The following TRIM36 variants were observed in gnomAD, a reference collection of about 807,000 sequenced individuals.
The protein encoded by TRIM36 is E3 ubiquitin-protein ligase TRIM36.
A neutral mutation model predicts 72.4 loss-of-function variants in TRIM36; 42 were observed. The ratio of observed to expected loss-of-function variants is 0.58; its 90% CI spans 0.45 to 0.75. TRIM36 has a LOEUF of 0.75. TRIM36 is among the 30% of genes least tolerant of loss of function. The pLI, the probability that TRIM36 is intolerant of heterozygous loss-of-function variation, is 0.00. For synonymous variants in TRIM36, 315 were observed against 282.8 expected (o/e 1.11, Z -1.14); for missense variants, 913 against 857.1 (o/e 1.07, Z -0.81).
At chr5:115,168,077 T>TCCCAC (rs1014800071) in intron 1 of TRIM36, among the ~76,000 whole-genome samples, 1 of 152,064 alleles carries the variant, frequency 6.6e-6, no homozygotes, top group Non-Finnish European at 1.5e-5. Context: ...GGGAAACCAC[T>TCCCAC]CCCACGATCC....
intron 1 of TRIM36, among the ~76,000 whole-genome samples, chr5:115,166,371 G>T (rs10061622): frequency 0.31 from 47,836 of 151,908 alleles, 7,602 homozygotes; most frequent in Non-Finnish European, 0.34. Context: ...ACCCACTTGG[G>T]TCTCCTCTCC....
Position 115,137,028 on chromosome 5 carries a change from A to C in TRIM36, c.1182T>G (p.Leu394=). Residue 394 remains leucine (L), a synonymous_variant, in exon 7 of 10, where the codon CTT becomes CTG. Coordinates refer to ENST00000513154, the MANE Select transcript of TRIM36 (RefSeq NM_001300759.2). ...YVVNTSKQTE[L]LGELSFFSSG... Reference sequence around the variant, plus strand: ...TAGAGAAAAAGGATAATTCTCCAAGAAGTTCTGTTTGTTTAGAGGTATTAA... The same window carrying C: ...TAGAGAAAAAGGATAATTCTCCAAGCAGTTCTGTTTGTTTAGAGGTATTAA... 2 of 1,604,952 alleles carry C rather than the reference A, an allele frequency of 1.2e-6. No homozygotes were observed. Among genetic ancestry groups the C allele is most frequent in the Non-Finnish European group, 1.7e-6 (2 of 1,176,718 alleles).
chr5:115,139,449 T>C (rs1367896267), intron 5 of TRIM36, among the ~76,000 whole-genome samples: 4 of 152,252 alleles, frequency 2.6e-5, no homozygotes, highest in Admixed American at 2.0e-4. Context: ...TGACAATATA[T>C]GGCAGAAGCG....
intron 2 of TRIM36, among the ~76,000 whole-genome samples, chr5:115,158,512 T>C (rs764027472): frequency 6.6e-6 from 1 of 152,258 alleles, no homozygotes; most frequent in Non-Finnish European, 1.5e-5. Context: ...TCCCGTATTC[T>C]GGCTGCGACT....
chr5:115,165,988 A>T (rs1754755329), intron 1 of TRIM36, among the ~76,000 whole-genome samples: 1 of 152,014 alleles, frequency 6.6e-6, no homozygotes, highest in Non-Finnish European at 1.5e-5. Flanking sequence ...CTCCCTCTGG[A>T]CTTTGGGCGC....
chr5:115,139,128 T>TC lies in TRIM36; in HGVS notation c.832-1513dup, dbSNP rs1410994898. 2.0e-5 allele frequency among the ~76,000 whole-genome samples: 3 copies of TC among 146,532 alleles called. No homozygotes were observed. The Admixed American group carries it at 2.1e-4, about 10-fold the overall frequency. ...GCCACTGCACCCAGCTTTTTTTTTTTCTTTTTTTTTGAAACGGAGTCTTGC... is the reference window on the plus strand; with the variant it reads ...GCCACTGCACCCAGCTTTTTTTTTTTCCTTTTTTTTTGAAACGGAGTCTTGC... On this transcript the variant is annotated intron_variant, in intron 5 of 9. Coordinates refer to ENST00000513154, the MANE Select transcript of TRIM36 (RefSeq NM_001300759.2).
At chr5:115,169,516 G>T in intron 1 of TRIM36, 92 bp downstream of exon 1, 1 of 1,367,920 alleles carries the variant, frequency 7.3e-7, no homozygotes, top group Non-Finnish European at 9.8e-7. Flanking sequence ...CCCGGGAGGA[G>T]GCTCCCTCCG....
rs1026143354 is a variant in TRIM36 at position 115,144,506 on chromosome 5, C to T, written c.735+92G>A. On this transcript the variant is annotated intron_variant, in intron 4 of 9. Coordinates refer to ENST00000513154, the MANE Select transcript of TRIM36 (RefSeq NM_001300759.2). Reference sequence around the variant, plus strand: ...TAACTCATTTTAGTACAAAAGAGACCATATAACACACCATGATTTTATAAA... The same window carrying T: ...TAACTCATTTTAGTACAAAAGAGACTATATAACACACCATGATTTTATAAA... 4.1e-6 allele frequency: 6 copies of T among 1,466,800 alleles called. No individual in the cohort carries two copies. The Admixed American group carries it at 1.0e-4, about 25-fold the overall frequency. The allele number at this position is 1,466,800 out of a possible 1,614,324, so 90.9% of individuals were successfully genotyped here. A position where few individuals can be genotyped will look rare whatever the true frequency, so the allele number is the denominator to read the frequency against.
intron 3 of TRIM36, 123 bp from the exon 4 acceptor site, chr5:115,144,867 G>A (rs1196782358): frequency 3.7e-6 from 4 of 1,075,646 alleles, no homozygotes; most frequent in Non-Finnish European, 5.2e-6. Context: ...GAATATGAAT[G>A]TAAAAAGAAA....
chr5:115,134,821 T>C (rs1283047859), intron 7 of TRIM36, among the ~76,000 whole-genome samples: 2 of 152,364 alleles, frequency 1.3e-5, no homozygotes, highest in Non-Finnish European at 2.9e-5. Context: ...ATTACAGGCA[T>C]GAGCCACTGT....
At chr5:115,167,516 CA>C (rs1400610835) in intron 1 of TRIM36, among the ~76,000 whole-genome samples, 2 of 152,368 alleles carry the variant, frequency 1.3e-5, no homozygotes, top group African/African-American at 4.8e-5. Flanking sequence ...ATCTCTAGGA[CA>C]GGGGCAAAAC....
chr5:115,169,466 C>A (rs931859271), intron 1 of TRIM36, 142 bp downstream of exon 1: 6 of 929,340 alleles, frequency 6.5e-6, no homozygotes, highest in Admixed American at 6.3e-5. Context: ...CGGGAGAAGG[C>A]GAAGAGGAAG....
Position 115,147,302 on chromosome 5 carries a change from C to T in TRIM36, c.355G>A (p.Gly119Ser), listed in dbSNP as rs1753644918. 1 of 1,614,034 alleles carries T rather than the reference C, an allele frequency of 6.2e-7. No homozygotes were observed. The highest frequency in any genetic ancestry group is 1.3e-5 in the African/African-American group (1 of 74,922). Residue 119 changes from glycine (G) to serine (S), a missense_variant, in exon 3 of 10, where the codon GGT becomes AGT. Gly to Ser is a moderately conservative substitution (Grantham distance 56, BLOSUM62 0). Transcript: ENST00000513154. ...DVDLGERGIN[G>S]LFRNFTLETI... is the part of the protein sequence containing the mutation. ...TCCAAAGTGAAGTTTCGAAACAGACCATTGATTCCTCGTTCTCCAAGATCC... is the reference window on the plus strand; with the variant it reads ...TCCAAAGTGAAGTTTCGAAACAGACTATTGATTCCTCGTTCTCCAAGATCC...
chr5:115,139,645 A>AT (rs557244069), intron 5 of TRIM36, among the ~76,000 whole-genome samples: 148 of 152,314 alleles, frequency 9.7e-4, no homozygotes, highest in African/African-American at 3.3e-3. Flanking sequence ...TTATAGATAG[A>AT]TTTTTTTCAG....
At chr5:115,153,258 A>G (rs1753990614) in intron 2 of TRIM36, among the ~76,000 whole-genome samples, 1 of 152,338 alleles carries the variant, frequency 6.6e-6, no homozygotes, top group African/African-American at 2.4e-5. Context: ...AGACAAAACA[A>G]ACTTTAAAGC....
chr5:115,138,857 C>T (rs530785015), intron 5 of TRIM36, among the ~76,000 whole-genome samples: 1 of 152,164 alleles, frequency 6.6e-6, no homozygotes, highest in South Asian at 2.1e-4. Context: ...GCTCTGTCGC[C>T]CAGGCTGTAG....
At chr5:115,159,495 T>C in intron 2 of TRIM36, 1 of 269,236 alleles carries the variant, frequency 3.7e-6, no homozygotes, top group Non-Finnish European at 7.3e-6. Flanking sequence ...CCTGTTGACC[T>C]TTAAGTCGTT....
intron 8 of TRIM36, among the ~76,000 whole-genome samples, chr5:115,133,022 A>C (rs1417653198): frequency 1.3e-5 from 2 of 152,198 alleles, no homozygotes; most frequent in East Asian, 3.8e-4. Context: ...GTGCTTTTCT[A>C]TTTTGAACAA....
At chr5:115,149,783 G>C (rs962145808) in intron 2 of TRIM36, 1 of 151,600 alleles carries the variant, frequency 6.6e-6, no homozygotes, top group Non-Finnish European at 1.5e-5. Flanking sequence ...TTTTGAGATG[G>C]AGTCTCGCTC....
Sources: gnomAD v4.1 joint callset for allele counts (sites outside exome capture counted in the v4.1 genomes callset) on GRCh38, gnomAD v4.1.1 for gene constraint, MANE v1.5 for transcripts, NCBI Gene and HGNC (gene_info 2026-07-23, HGNC 2026-07-21) for gene names.